Variants in CTNNA3 observed in about 807,000 individuals in gnomAD.
The protein encoded by CTNNA3 is catenin alpha-3.
In CTNNA3, 76 loss-of-function variants were observed where a neutral mutation model predicts 95.7. The ratio of observed to expected loss-of-function variants is 0.79; its 90% CI spans 0.66 to 0.96. CTNNA3 has a LOEUF of 0.96. CTNNA3 is among the 40% of genes least tolerant of loss of function. The pLI is 0.00. For synonymous variants in CTNNA3, 431 were observed against 374.4 expected (o/e 1.15, Z -1.74); for missense variants, 1,191 against 1,089.8 (o/e 1.09, Z -1.31).
intron 7 of CTNNA3, among the ~76,000 whole-genome samples, chr10:66,949,486 A>C (rs970958384): frequency 6.6e-6 from 1 of 151,992 alleles, no homozygotes; most frequent in East Asian, 1.9e-4. Context: ...TGAACCCAGG[A>C]GGCGGAGGTT....
rs140470902 is a variant in CTNNA3, at chr10:66,488,991, T to C, written c.1531+31626A>G. On this transcript the variant is annotated intron_variant, in intron 11 of 17. Coordinates refer to ENST00000433211, the MANE Select transcript of CTNNA3 (RefSeq NM_013266.4). Reference sequence around the variant, plus strand: ...CATTGAGAAGTAAGTGAAGTTCCTATTGAAAGTTGAAGAGGAGAGGGATTT... The same window carrying C: ...CATTGAGAAGTAAGTGAAGTTCCTACTGAAAGTTGAAGAGGAGAGGGATTT... Among the ~76,000 whole-genome samples, 899 of 152,216 alleles carry C rather than the reference T, an allele frequency of 5.9e-3. 9 individuals are homozygous for C. The highest frequency in any genetic ancestry group is 0.021 in the African/African-American group (856 of 41,528).
intron 7 of CTNNA3, among the ~76,000 whole-genome samples, chr10:66,987,181 G>C (rs1171266355): frequency 6.6e-6 from 1 of 152,304 alleles, no homozygotes; most frequent in East Asian, 1.9e-4. Flanking sequence ...AGGACTAAGG[G>C]AGAGGGAAGC....
At chr10:66,113,749 T>C (rs1179232359) in intron 13 of CTNNA3, among the ~76,000 whole-genome samples, 2 of 152,234 alleles carry the variant, frequency 1.3e-5, no homozygotes, top group Non-Finnish European at 2.9e-5. Flanking sequence ...TTATTCAACA[T>C]GCTGAATACA....
At position 66,294,883 on chromosome 10, in the gene CTNNA3, G is replaced by GGA. The variant is rs1415856025; in HGVS notation, c.1733-14264_1733-14263dup. 4.4e-3 allele frequency among the ~76,000 whole-genome samples: 517 copies of GGA among 118,550 alleles called. 8 individuals carry two copies. Among genetic ancestry groups the GGA allele is most frequent in the East Asian group, 0.026 (112 of 4,232 alleles). 77.8% of individuals were successfully genotyped at this position (118,550 alleles called of 152,430 possible). On this transcript the variant is annotated intron_variant, in intron 12 of 17. Coordinates refer to ENST00000433211, the MANE Select transcript of CTNNA3 (RefSeq NM_013266.4). ...AGTCCAGATACCTATTAGACAGTCA[G>GGA]GACAGAGAGAGAGAGAGAGAGAGAG...
intron 7 of CTNNA3, among the ~76,000 whole-genome samples, chr10:66,924,727 A>G (rs573369949): frequency 6.6e-6 from 1 of 152,374 alleles, no homozygotes; most frequent in South Asian, 2.1e-4. Context: ...AATATCTTAC[A>G]CAGGCTTATT....
intron 5 of CTNNA3, among the ~76,000 whole-genome samples, chr10:67,244,456 A>C (rs758015094): frequency 7.9e-5 from 12 of 152,198 alleles, no homozygotes; most frequent in Non-Finnish European, 1.2e-4. Flanking sequence ...AGGAAAACAG[A>C]GGTAACTTAG....
intron 13 of CTNNA3, among the ~76,000 whole-genome samples, chr10:66,226,292 C>G (rs1325818483): frequency 6.6e-6 from 1 of 152,100 alleles, no homozygotes; most frequent in East Asian, 1.9e-4. Context: ...TTGTCAGCAC[C>G]ATTTATTGAA....
intron 9 of CTNNA3, among the ~76,000 whole-genome samples, chr10:66,717,377 T>C (rs556640445): frequency 9.9e-4 from 151 of 152,258 alleles, no homozygotes; most frequent in Non-Finnish European, 1.3e-3. Context: ...TGATAGCACG[T>C]TGGACAAACC....
At chr10:66,562,284 A>T (rs1170313371) in intron 10 of CTNNA3, among the ~76,000 whole-genome samples, 2 of 152,050 alleles carry the variant, frequency 1.3e-5, no homozygotes, top group Non-Finnish European at 2.9e-5. Flanking sequence ...ATTCTCTTTA[A>T]TCCTTATTTT....
intron 13 of CTNNA3, among the ~76,000 whole-genome samples, chr10:66,160,855 G>A (rs2084806038): frequency 6.6e-6 from 1 of 152,032 alleles, no homozygotes; most frequent in Non-Finnish European, 1.5e-5. Flanking sequence ...ATAAATTTGG[G>A]AGCTCCAATG....
chr10:67,089,623 GAA>G (rs953514953), intron 7 of CTNNA3, among the ~76,000 whole-genome samples: 1 of 151,288 alleles, frequency 6.6e-6, no homozygotes, highest in Non-Finnish European at 1.5e-5. Flanking sequence ...TATTTTCAAA[GAA>G]AAAAGATGGC....
chr10:67,329,072 A>T (rs1456301870), intron 5 of CTNNA3, among the ~76,000 whole-genome samples: 1 of 152,194 alleles, frequency 6.6e-6, no homozygotes, highest in Admixed American at 6.5e-5. Context: ...TCTAATGTTT[A>T]ATATAAAATG....
intron 6 of CTNNA3, among the ~76,000 whole-genome samples, chr10:67,199,414 G>T (rs181166280): frequency 3.3e-5 from 5 of 152,108 alleles, no homozygotes; most frequent in Admixed American, 6.5e-5. Context: ...CTGTTGCCCA[G>T]GCTGGAATGC....
At chr10:66,512,692 C>T (rs12250608) in intron 11 of CTNNA3, among the ~76,000 whole-genome samples, 28,017 of 151,980 alleles carry the variant, frequency 0.18, 2,818 homozygotes, top group African/African-American at 0.27. Context: ...TTCAGTTTAA[C>T]AGTGATTAAT....
At chr10:67,200,499 G>A (rs544560241) in intron 6 of CTNNA3, among the ~76,000 whole-genome samples, 65 of 152,192 alleles carry the variant, frequency 4.3e-4, no homozygotes, top group African/African-American at 1.4e-3. Context: ...TCTAAACATC[G>A]GTGGTTCCAA....
At chr10:66,083,714 T>A (rs7096109) in intron 14 of CTNNA3, among the ~76,000 whole-genome samples, 26,715 of 152,090 alleles carry the variant, frequency 0.18, 2,542 homozygotes, top group Admixed American at 0.24. Context: ...CCATTACTGA[T>A]CACCCAGGTA....
Position 67,723,924 on chromosome 10 carries a change from G to T in CTNNA3, c.-2+39510C>A, listed in dbSNP as rs566292789. ...TATCCATCGAAGTTCAGAGGAGTTA[G>T]TGCCCAAGATTAACCCACAACCAAT... On this transcript the variant is annotated intron_variant, in intron 1 of 17. Coordinates refer to the CTNNA3 transcript ENST00000684154. Among the ~76,000 whole-genome samples, 3 of 152,222 alleles carry T rather than the reference G, an allele frequency of 2.0e-5. No individual in the cohort carries two copies. The East Asian group carries it at 5.8e-4, about 29-fold the overall frequency.
At chr10:66,691,377 C>A (rs1451438950) in intron 9 of CTNNA3, among the ~76,000 whole-genome samples, 8 of 152,190 alleles carry the variant, frequency 5.3e-5, no homozygotes, top group Non-Finnish European at 1.2e-4. Flanking sequence ...AGACTGAGAT[C>A]AAACTGCGAG....
intron 16 of CTNNA3, among the ~76,000 whole-genome samples, chr10:65,982,067 C>G (rs4105581): frequency 6.6e-6 from 1 of 151,408 alleles, no homozygotes; most frequent in South Asian, 2.1e-4. Flanking sequence ...GAAAACCCAC[C>G]GAATGGGAGA....
Sources: allele counts gnomAD v4.1 joint callset (sites outside exome capture counted in the v4.1 genomes callset), GRCh38; gene constraint gnomAD v4.1.1; transcripts MANE v1.5; gene names NCBI Gene and HGNC (gene_info 2026-07-23, HGNC 2026-07-21).